The following KCNMA1 variants were observed in gnomAD, a reference collection of about 807,000 sequenced individuals.
KCNMA1 encodes the protein potassium calcium-activated channel subfamily M alpha 1, also known as Calcium-activated potassium channel subunit alpha-1.
KCNMA1 carries 29 observed loss-of-function variants against 140.0 expected under a neutral mutation model. That is an observed-to-expected ratio of 0.21 (90% CI 0.15 to 0.28). KCNMA1 has a LOEUF of 0.28. KCNMA1 is among the 10% of genes least tolerant of loss of function. The probability of loss-of-function intolerance (pLI) is 1.00; values close to 1 mark genes in which losing one functional copy is unlikely to be tolerated. For missense variants in KCNMA1, 880 were observed against 1,602.2 expected, an observed-to-expected ratio of 0.55 and a Z score of 7.70; for synonymous variants, 612 against 611.9, an observed-to-expected ratio of 1.00 and a Z score of 0.00.
intron 6 of KCNMA1, among the ~76,000 whole-genome samples, chr10:77,115,989 G>A (rs570914965): frequency 6.6e-6 from 1 of 152,142 alleles, no homozygotes; most frequent in Non-Finnish European, 1.5e-5. Context: ...AGTGAGGCAC[G>A]CCAGGAGCAG....
intron 16 of KCNMA1, among the ~76,000 whole-genome samples, chr10:77,023,094 C>A (rs1344510661): frequency 5.3e-5 from 8 of 152,176 alleles, no homozygotes; most frequent in Non-Finnish European, 1.0e-4. Context: ...AGGAGCACCG[C>A]GTCTCAAGTT....
At chr10:77,168,399 T>C (rs2154094039) in intron 5 of KCNMA1, among the ~76,000 whole-genome samples, 1 of 152,270 alleles carries the variant, frequency 6.6e-6, no homozygotes, top group East Asian at 1.9e-4. Flanking sequence ...GCAAACATCA[T>C]AAAGTACACT....
intron 12 of KCNMA1, among the ~76,000 whole-genome samples, chr10:77,082,570 C>T (rs2096604926): frequency 6.6e-6 from 1 of 151,878 alleles, no homozygotes; most frequent in Admixed American, 6.6e-5. Flanking sequence ...TAAAGGGTTA[C>T]ATTTTTTTTT....
chr10:77,336,439 A>G (rs1487488298), intron 2 of KCNMA1, among the ~76,000 whole-genome samples: 3 of 152,174 alleles, frequency 2.0e-5, no homozygotes, highest in Admixed American at 2.0e-4. Context: ...CTTAAAAAAA[A>G]AAAAGAAGAT....
chr10:77,059,642 T>G (rs2095665471), intron 14 of KCNMA1, among the ~76,000 whole-genome samples: 1 of 151,964 alleles, frequency 6.6e-6, no homozygotes, highest in South Asian at 2.1e-4. Flanking sequence ...TTAGCAAAAT[T>G]CAACCTCCAT....
rs58578775 is a variant in KCNMA1, at chr10:77,508,340, A to ATTT, written c.379-104320_379-104318dup. 2.8e-3 allele frequency among the ~76,000 whole-genome samples: 371 copies of ATTT among 131,622 alleles called. 3 individuals carry two copies. The highest frequency in any genetic ancestry group is 7.8e-3 in the South Asian group (32 of 4,096). The allele number at this position is 131,622 out of a possible 152,430, so 86.3% of individuals were successfully genotyped here. A position where few individuals can be genotyped will look rare whatever the true frequency, so the allele number is the denominator to read the frequency against. The stretch of plus-strand genomic sequence containing the variant: ...CAGATACGCATCACCATGCCTGGCT[A>ATTT]TTTTTTTTTTTTTTTTGTAATTTTT... On this transcript the variant is annotated intron_variant, in intron 1 of 27. Transcript: ENST00000286628.
chr10:77,082,048 G>A (rs529007007), intron 12 of KCNMA1, among the ~76,000 whole-genome samples: 1 of 96,750 alleles, frequency 1.0e-5, no homozygotes, highest in Admixed American at 1.4e-4. Flanking sequence ...TTTTTAAGAC[G>A]GAGCCTCGCT....
intron 18 of KCNMA1, among the ~76,000 whole-genome samples, chr10:77,006,638 G>A (rs371892418): frequency 2.1e-4 from 32 of 152,346 alleles, no homozygotes; most frequent in African/African-American, 7.5e-4. Context: ...GAAAAAGCTA[G>A]TTAATGTCAG....
At chr10:77,477,504 C>T (rs2098303330) in intron 1 of KCNMA1, among the ~76,000 whole-genome samples, 1 of 152,180 alleles carries the variant, frequency 6.6e-6, no homozygotes. Flanking sequence ...AGCAAATGAA[C>T]CCCATCTGTG....
chr10:77,044,934 C>T (rs2153602531), intron 14 of KCNMA1, among the ~76,000 whole-genome samples: 1 of 152,064 alleles, frequency 6.6e-6, no homozygotes, highest in Non-Finnish European at 1.5e-5. Context: ...TGTACAAGTA[C>T]CAAAGAGGGA....
At chr10:77,012,447 T>C (rs533400905) in intron 17 of KCNMA1, 1,064 of 1,549,846 alleles carry the variant, frequency 6.9e-4, no homozygotes, top group Non-Finnish European at 8.8e-4. Flanking sequence ...TGGTCAAATA[T>C]ATATTTGAGG....
chr10:77,068,042 A>G lies in KCNMA1; in HGVS notation c.1749+5055T>C, dbSNP rs75528118. 4.2e-3 allele frequency among the ~76,000 whole-genome samples: 645 copies of G among 152,316 alleles called. 2 individuals carry two copies. Among genetic ancestry groups the G allele is most frequent in the Middle Eastern group, 0.014 (4 of 294 alleles). ...CTCACATTTCCTTTCAGTATACTCA[A>G]GGGCAAACCTGGAACCAGTTTGCTT... On this transcript the variant is annotated intron_variant, in intron 14 of 27. Coordinates refer to ENST00000286628, the MANE Select transcript of KCNMA1 (RefSeq NM_001161352.2).
chr10:77,214,802 G>C (rs749721118), intron 3 of KCNMA1, among the ~76,000 whole-genome samples: 22 of 152,106 alleles, frequency 1.4e-4, no homozygotes, highest in Non-Finnish European at 2.6e-4. Flanking sequence ...CTTGCCCTGT[G>C]TGTGCCCTTC....
Position 77,184,911 on chromosome 10 carries a change from A to T in KCNMA1, c.608T>A (p.Ile203Lys). The T allele has an allele frequency of 1.3e-6, 2 of 1,597,410 alleles. No individual in the cohort carries two copies. The highest frequency in any genetic ancestry group is 1.7e-6 in the Non-Finnish European group (2 of 1,164,888). ...TTTGTAGAAATTCTGGCAGGATTCT[A>T]TTGGGCTATTAGACAGGAAGAAGAA... ...VIYFIDSSNPIESCQNFYKDF... is the reference protein window; with the variant it reads ...VIYFIDSSNPKESCQNFYKDF... Residue 203 changes from isoleucine (I) to lysine (K), a missense_variant, in exon 4 of 28, where the codon ATA (isoleucine) becomes AAA (lysine). Ile to Lys is a moderately radical substitution (Grantham distance 102). This residue lies in a region of KCNMA1 where 198 missense variants were observed against 580.1 expected (regional missense o/e 0.34). Coordinates refer to ENST00000286628, the MANE Select transcript of KCNMA1 (RefSeq NM_001161352.2).
intron 1 of KCNMA1, among the ~76,000 whole-genome samples, chr10:77,539,157 C>T (rs1242590629): frequency 2.0e-5 from 3 of 152,186 alleles, no homozygotes; most frequent in Non-Finnish European, 4.4e-5. Context: ...TCTGAGGAAC[C>T]CACTTTTCTC....
intron 1 of KCNMA1, among the ~76,000 whole-genome samples, chr10:77,533,645 ACT>A (rs1445884781): frequency 6.6e-6 from 1 of 151,736 alleles, no homozygotes. Context: ...GAGTCACCAA[ACT>A]CTGACAGCAT....
In KCNMA1 at chr10:76,891,702, A is replaced by G; in HGVS notation, c.3165T>C (p.Asn1055=). The part of the protein sequence containing the change: ...SLMSATYFND[N]ILTLIRTLVT... ...CCAGGGTCCGTATCAGGGTGAGGAT[A>G]TTGTCATTGAAGTACGTCTGGGGAA... The change falls in exon 26 of 28, where the codon AAT becomes AAC. Residue 1055 remains asparagine (N), a synonymous_variant. Coordinates refer to ENST00000286628, the MANE Select transcript of KCNMA1 (RefSeq NM_001161352.2). 1 of 1,613,920 alleles carries G rather than the reference A, an allele frequency of 6.2e-7. No homozygotes were observed. The highest frequency in any genetic ancestry group is 1.1e-5 in the South Asian group (1 of 91,088).
In KCNMA1 at chr10:76,889,545, A is replaced by G; in HGVS notation, c.3367T>C (p.Phe1123Leu). ...LGDGGCYGDL[F>L]CKALKTYNML... is the part of the protein sequence containing the mutation. Reference sequence around the variant, plus strand: ...TTATATGTTTTCAGAGCTTTGCAGAACAGATCACCATAACAACCACCATCC... The same window carrying G: ...TTATATGTTTTCAGAGCTTTGCAGAGCAGATCACCATAACAACCACCATCC... Residue 1123 changes from phenylalanine (F) to leucine (L), a missense_variant, in exon 27 of 28, where the codon TTC (phenylalanine) becomes CTC (leucine). Phe to Leu is a conservative substitution (Grantham distance 22, BLOSUM62 0). Transcript: ENST00000286628. 1 of 1,613,828 alleles carries G rather than the reference A, an allele frequency of 6.2e-7. No homozygotes were observed. Among genetic ancestry groups the G allele is most frequent in the Non-Finnish European group, 8.5e-7 (1 of 1,179,726 alleles).
chr10:76,931,678 G>A (rs186790813), intron 23 of KCNMA1, among the ~76,000 whole-genome samples: 57 of 152,182 alleles, frequency 3.7e-4, no homozygotes, highest in Admixed American at 6.5e-4. Flanking sequence ...TTCTGTCAGC[G>A]AGCTGTCCCA....
Sources: allele counts gnomAD v4.1 joint callset (sites outside exome capture counted in the v4.1 genomes callset), GRCh38; gene constraint gnomAD v4.1.1; regional missense constraint gnomAD v4.1.1; transcripts MANE v1.5; gene names NCBI Gene and HGNC (gene_info 2026-07-23, HGNC 2026-07-21).